Variants in PLEKHG1 observed in about 807,000 individuals in gnomAD.
The protein encoded by PLEKHG1 is pleckstrin homology domain-containing family G member 1.
Under a neutral mutation model 100.8 loss-of-function variants are expected in PLEKHG1, and 44 were observed. The observed-to-expected ratio is 0.44, with a 90% CI of 0.34 to 0.56. The LOEUF (loss-of-function observed/expected upper bound fraction) is 0.56. PLEKHG1 is among the 20% of genes least tolerant of loss of function. The pLI is 0.01. For synonymous variants in PLEKHG1, 640 were observed against 662.5 expected (o/e 0.97, Z 0.52); for missense variants, 1,545 against 1,720.9 (o/e 0.90, Z 1.81).
At position 150,683,629 on chromosome 6, in the gene PLEKHG1, A is replaced by G. The variant is rs1343611358; in HGVS notation, c.-99+32843A>G. ...CTTCCTGTTGGGGAAAACCTTGGAC[A>G]CTGTGCATCCACCTGCTATAACTGG... On this transcript the variant is annotated intron_variant, in intron 3 of 3. Coordinates refer to the PLEKHG1 transcript ENST00000367326. The surrounding 1 kb of genome is among the most constrained non-coding windows in gnomAD (Gnocchi z 4.0). 1.0e-5 allele frequency: 4 copies of G among 383,614 alleles called. No individual in the cohort carries two copies. Among genetic ancestry groups the G allele is most frequent in the South Asian group, 4.4e-5 (2 of 45,504 alleles). The allele number at this position is 383,614 out of a possible 1,614,324, so 23.8% of individuals were successfully genotyped here.
At chr6:150,818,643 A>C (rs1412429123) in intron 11 of PLEKHG1, among the ~76,000 whole-genome samples, 1 of 152,228 alleles carries the variant, frequency 6.6e-6, no homozygotes, top group Non-Finnish European at 1.5e-5. Flanking sequence ...AACTTCTAAA[A>C]TCACAACCAC....
intron 1 of PLEKHG1, among the ~76,000 whole-genome samples, chr6:150,724,441 T>C (rs1350758217): frequency 6.6e-6 from 1 of 152,026 alleles, no homozygotes; most frequent in African/African-American, 2.4e-5. Flanking sequence ...CCCAAATAAT[T>C]TCCTTCATCC....
intron 6 of PLEKHG1, among the ~76,000 whole-genome samples, chr6:150,803,132 G>A (rs770105518): frequency 1.3e-5 from 2 of 152,018 alleles, no homozygotes; most frequent in Non-Finnish European, 2.9e-5. Context: ...GTCCAAGCAC[G>A]GAAAGAAAAT....
rs1784694489 is a variant in PLEKHG1, at chr6:150,771,069, G to A, written c.512+2331G>A. ...GAAGTTGTGGCTTACTCCAGGAGGG[G>A]CTCTTAATCGCTAGAGTTTAAATCT... On this transcript the variant is annotated intron_variant, in intron 3 of 15. Transcript: ENST00000358517. Among the ~76,000 whole-genome samples the A allele has an allele frequency of 1.3e-5, 2 of 152,120 alleles. 1 individual carries two copies. Among genetic ancestry groups the A allele is most frequent in the South Asian group, 4.2e-4 (2 of 4,818 alleles).
At chr6:150,764,648 A>G (rs182699906) in intron 2 of PLEKHG1, among the ~76,000 whole-genome samples, 182 of 151,370 alleles carry the variant, frequency 1.2e-3, no homozygotes, top group African/African-American at 4.2e-3. Context: ...GCCCTTTTCA[A>G]CTCCTTTTAG....
At chr6:150,730,807 G>A (rs1014755731) in intron 1 of PLEKHG1, among the ~76,000 whole-genome samples, 2 of 151,982 alleles carry the variant, frequency 1.3e-5, no homozygotes, top group Non-Finnish European at 2.9e-5. Flanking sequence ...GTAGGCTGAG[G>A]CAGGAGATCG....
At chr6:150,649,064 T>C (rs1778608879) in intron 2 of PLEKHG1, among the ~76,000 whole-genome samples, 1 of 152,182 alleles carries the variant, frequency 6.6e-6, no homozygotes, top group Admixed American at 6.5e-5. Flanking sequence ...TTTTTTAATT[T>C]GTCTTGCCTA....
chr6:150,755,088 G>A (rs139949023), intron 2 of PLEKHG1, among the ~76,000 whole-genome samples: 151 of 151,978 alleles, frequency 9.9e-4, no homozygotes, highest in Non-Finnish European at 1.8e-3. Flanking sequence ...CAACCCTCCC[G>A]CCCTAGTTTC....
At chr6:150,827,491 G>T (rs1483902291) in intron 14 of PLEKHG1, among the ~76,000 whole-genome samples, 3 of 151,944 alleles carry the variant, frequency 2.0e-5, no homozygotes, top group Non-Finnish European at 4.4e-5. Context: ...GGTCAGGCTG[G>T]TCTCGAACTC....
Position 150,795,730 on chromosome 6 carries a change from A to T in PLEKHG1, c.583-126A>T, listed in dbSNP as rs1291639681. The T allele has an allele frequency of 5.0e-6, 2 of 402,038 alleles. 1 individual carries two copies. Among genetic ancestry groups the T allele is most frequent in the South Asian group, 1.6e-4 (2 of 12,156 alleles). 24.9% of individuals were successfully genotyped at this position (402,038 alleles called of 1,614,324 possible). ...AGAGCAAAACTCCGCCTAAAAAAAAAAACAAAAAACATATATATATATATA... is the reference window on the plus strand; with the variant it reads ...AGAGCAAAACTCCGCCTAAAAAAAATAACAAAAAACATATATATATATATA... On this transcript the variant is annotated intron_variant, in intron 4 of 15. Coordinates refer to ENST00000358517, the Ensembl canonical transcript of PLEKHG1.
chr6:150,804,843 T>A (rs1583164847), intron 7 of PLEKHG1, 102 bp downstream of exon 8: 3 of 1,044,358 alleles, frequency 2.9e-6, no homozygotes, highest in Non-Finnish European at 4.2e-6. Context: ...ACTACACTCA[T>A]CATCTTCAGT....
chr6:150,724,558 C>CTTTTTTTTTTTTTTTTTTTTTTTTTTTTT (rs34140367), intron 1 of PLEKHG1, among the ~76,000 whole-genome samples: 4 of 100,482 alleles, frequency 4.0e-5, no homozygotes, highest in African/African-American at 1.5e-4. Flanking sequence ...TTTTCTTTTT[C>CTTTTTTTTTTTTTTTTTTTTTTTTTTTTT]TTTTTTTTTT....
At chr6:150,823,630 T>C (rs766314984) in intron 13 of PLEKHG1, 24 bp from the exon 15 acceptor site, 1 of 1,563,438 alleles carries the variant, frequency 6.4e-7, no homozygotes, top group Non-Finnish European at 8.8e-7. Flanking sequence ...TTCTCAAACT[T>C]GAAAAAAAAC....
intron 15 of PLEKHG1, among the ~76,000 whole-genome samples, chr6:150,839,277 G>C (rs929813400): frequency 2.6e-5 from 4 of 152,130 alleles, no homozygotes; most frequent in African/African-American, 4.8e-5. Flanking sequence ...ACCATGCCTG[G>C]CTAAATTTTT....
At chr6:150,816,867 C>T (rs1023943414) in intron 10 of PLEKHG1, among the ~76,000 whole-genome samples, 1 of 152,176 alleles carries the variant, frequency 6.6e-6, no homozygotes, top group Non-Finnish European at 1.5e-5. Context: ...GATCATCAGG[C>T]ATTAGATTCT....
chr6:150,655,408 T>A (rs1438752099), intron 3 of PLEKHG1, among the ~76,000 whole-genome samples: 2 of 152,018 alleles, frequency 1.3e-5, no homozygotes, highest in Non-Finnish European at 2.9e-5. Context: ...ATAGACTGGA[T>A]AAAGAAAATG....
chr6:150,754,264 T>C (rs948463477), intron 2 of PLEKHG1, among the ~76,000 whole-genome samples: 2 of 152,058 alleles, frequency 1.3e-5, no homozygotes, highest in African/African-American at 4.8e-5. Flanking sequence ...AACAGGGACA[T>C]TCCTGAAAGA....
chr6:150,601,871 C>T (rs1455326566), intron 1 of PLEKHG1, among the ~76,000 whole-genome samples: 2 of 152,194 alleles, frequency 1.3e-5, no homozygotes, highest in Non-Finnish European at 2.9e-5. Flanking sequence ...TCTAAATGGG[C>T]ACCCTGAATT....
chr6:150,628,576 A>ACACACACACACACACC (rs1317085737), intron 1 of PLEKHG1, among the ~76,000 whole-genome samples: 103 of 108,170 alleles, frequency 9.5e-4, no homozygotes, highest in African/African-American at 3.2e-3. Flanking sequence ...ACACACACAC[A>ACACACACACACACACC]CCCCGTCCTT....
Sources: gnomAD v4.1 joint callset for allele counts (sites outside exome capture counted in the v4.1 genomes callset) on GRCh38, gnomAD v4.1.1 for gene constraint, Gnocchi (gnomAD v3.1) non-coding constraint, MANE v1.5 for transcripts, NCBI Gene and HGNC (gene_info 2026-07-23, HGNC 2026-07-21) for gene names.